The following RNF145 variants were observed in gnomAD, a reference collection of about 807,000 sequenced individuals.
RNF145 encodes the protein ring finger protein 145.
Under a neutral mutation model 57.3 loss-of-function variants are expected in RNF145, and 12 were observed. The observed-to-expected ratio is 0.21, with a 90% CI of 0.13 to 0.34. The LOEUF is 0.34. Among genes scored for constraint, RNF145 ranks in the 10% least tolerant of loss-of-function variants. The pLI, the probability that RNF145 is intolerant of heterozygous loss-of-function variation, is 1.00. For missense variants in RNF145, 429 were observed against 799.0 expected, an observed-to-expected ratio of 0.54 and a Z score of 5.58; for synonymous variants, 262 against 288.3, an observed-to-expected ratio of 0.91 and a Z score of 0.92.
At chr5:159,159,778 G>A (rs1004517113) in intron 10 of RNF145, among the ~76,000 whole-genome samples, 1 of 152,202 alleles carries the variant, frequency 6.6e-6, no homozygotes, top group Non-Finnish European at 1.5e-5. Context: ...CCTTGCATAA[G>A]ATATATATGA....
At chr5:159,172,087 G>A (rs1333040973) in intron 6 of RNF145, among the ~76,000 whole-genome samples, 1 of 152,152 alleles carries the variant, frequency 6.6e-6, no homozygotes, top group African/African-American at 2.4e-5. Context: ...TTTGCAGCGG[G>A]TAACAATCTG....
chr5:159,168,509 AATTAAAT>A (rs1162924555), intron 8 of RNF145, among the ~76,000 whole-genome samples: 2 of 152,124 alleles, frequency 1.3e-5, no homozygotes, highest in African/African-American at 4.8e-5. Context: ...CACAGAATAA[AATTAAAT>A]ATTATTTGTT....
intron 10 of RNF145, among the ~76,000 whole-genome samples, chr5:159,159,497 A>G (rs1267251158): frequency 6.6e-6 from 1 of 152,226 alleles, no homozygotes; most frequent in Non-Finnish European, 1.5e-5. Flanking sequence ...CGGCCATATA[A>G]TACCAGGGTA....
intron 10 of RNF145, 133 bp downstream of exon 10, chr5:159,161,133 T>A: frequency 1.7e-6 from 1 of 596,466 alleles, no homozygotes; most frequent in Non-Finnish European, 3.0e-6. Context: ...TTAATATAAT[T>A]TCTGAGGTCC....
intron 1 of RNF145, among the ~76,000 whole-genome samples, chr5:159,208,418 G>C (rs764297914): frequency 6.6e-6 from 1 of 152,150 alleles, no homozygotes; most frequent in Non-Finnish European, 1.5e-5. Flanking sequence ...TTCCAGAAAG[G>C]GGGTTCACGG....
At chr5:159,174,813 ACTC>A (rs1784664510) in intron 5 of RNF145, among the ~76,000 whole-genome samples, 2 of 152,162 alleles carry the variant, frequency 1.3e-5, no homozygotes, top group Admixed American at 1.3e-4. Flanking sequence ...ATAATCTGCA[ACTC>A]ACTAAATTAG....
At chr5:159,166,375 A>G (rs1399556408) in intron 8 of RNF145, among the ~76,000 whole-genome samples, 3 of 152,224 alleles carry the variant, frequency 2.0e-5, no homozygotes, top group East Asian at 3.8e-4. Context: ...TAATCATTAA[A>G]TGTATTAATC....
chr5:159,179,051 T>C (rs1189245170), intron 4 of RNF145, among the ~76,000 whole-genome samples: 1 of 152,130 alleles, frequency 6.6e-6, no homozygotes, highest in Non-Finnish European at 1.5e-5. Flanking sequence ...TGGCTTTCAC[T>C]GTGTTTATAG....
At chr5:159,204,205 G>A (rs1785776445) in intron 1 of RNF145, among the ~76,000 whole-genome samples, 1 of 152,168 alleles carries the variant, frequency 6.6e-6, no homozygotes, top group Non-Finnish European at 1.5e-5. Flanking sequence ...TACAGGTAGA[G>A]GGAACATTAT....
At chr5:159,207,351 TCCTA>T (rs773959291) in intron 1 of RNF145, 2 of 630,282 alleles carry the variant, frequency 3.2e-6, no homozygotes, top group Non-Finnish European at 5.4e-6. Context: ...AAAATACACC[TCCTA>T]AACTTTTTTT....
intron 8 of RNF145, among the ~76,000 whole-genome samples, chr5:159,165,883 C>G (rs1232253881): frequency 6.6e-6 from 1 of 152,180 alleles, no homozygotes; most frequent in Non-Finnish European, 1.5e-5. Flanking sequence ...GCATTGGCAT[C>G]TGGGTTGTTC....
At chr5:159,200,032 T>C (rs1785607994) in intron 2 of RNF145, among the ~76,000 whole-genome samples, 1 of 152,080 alleles carries the variant, frequency 6.6e-6, no homozygotes, top group Non-Finnish European at 1.5e-5. Flanking sequence ...ATAAAATACC[T>C]AGAAACAATA....
intron 3 of RNF145, among the ~76,000 whole-genome samples, chr5:159,188,730 A>G (rs895606014): frequency 3.9e-5 from 6 of 152,144 alleles, no homozygotes; most frequent in African/African-American, 1.4e-4. Context: ...AATCTCTGAC[A>G]TTTAATTCTT....
Position 159,157,605 on chromosome 5 carries a change from TC to T in RNF145, c.*1064del, listed in dbSNP as rs572886497. Reference sequence around the variant, plus strand: ...TCAAAATTCCCATAAAAAATTACATTCCCCCCTCCCCAGTTCTACCTGTAGC... The same window carrying T: ...TCAAAATTCCCATAAAAAATTACATTCCCCCTCCCCAGTTCTACCTGTAGC... On this transcript the variant is annotated 3_prime_UTR_variant, in exon 11 of 11. Coordinates refer to ENST00000424310, the MANE Select transcript of RNF145 (RefSeq NM_001199383.2). 4.6e-5 allele frequency: 7 copies of T among 151,880 alleles called. No individual in the cohort carries two copies. In the South Asian group the frequency reaches 1.5e-3, roughly 32 times the overall value. 9.4% of individuals were successfully genotyped at this position (151,880 alleles called of 1,614,324 possible).
chr5:159,191,079 C>CAAAAAAAA (rs545613338), intron 3 of RNF145, among the ~76,000 whole-genome samples: 1 of 61,326 alleles, frequency 1.6e-5, no homozygotes, highest in Non-Finnish European at 3.4e-5. Context: ...AGCTGATGAG[C>CAAAAAAAA]AAAAAAAAAA....
At chr5:159,178,160 C>T (rs1784776019) in intron 4 of RNF145, among the ~76,000 whole-genome samples, 2 of 151,786 alleles carry the variant, frequency 1.3e-5, no homozygotes, top group South Asian at 4.2e-4. Context: ...ATACAAATAG[C>T]TGTATTTTCT....
In RNF145 at chr5:159,158,796, T is replaced by C; in HGVS notation, c.1866A>G (p.Ile622Met). ...CATTATTGTCCCTGGAACCTTCCTG[T>C]ATCCTGGTCCCTGGAGTATGCTCCT... ...PGQEHTPGTR[I>M]QEGSRDNNEY... Residue 622 changes from isoleucine to methionine, a missense_variant, in exon 11 of 11, where the codon ATA becomes ATG. Physicochemically the swap from Ile to Met is conservative, Grantham distance 10. This residue lies in a region of RNF145 where 102 missense variants were observed against 106.2 expected (regional missense o/e 0.96). Coordinates refer to ENST00000424310, the MANE Select transcript of RNF145 (RefSeq NM_001199383.2). 1 of 1,613,992 alleles carries C rather than the reference T, an allele frequency of 6.2e-7. No individual in the cohort carries two copies. The highest frequency in any genetic ancestry group is 8.5e-7 in the Non-Finnish European group (1 of 1,179,868).
upstream of RNF145, chr5:159,209,641 C>G (rs1786044022): frequency 9.8e-7 from 1 of 1,023,620 alleles, no homozygotes; most frequent in African/African-American, 1.7e-5. Context: ...CGCGCTCACT[C>G]ACAATCGCGC....
intron 10 of RNF145, among the ~76,000 whole-genome samples, chr5:159,159,537 G>A (rs757908678): frequency 6.6e-6 from 1 of 152,148 alleles, no homozygotes; most frequent in Admixed American, 6.5e-5. Context: ...CTCTCATTAC[G>A]GACAATGTAT....
Sources: allele counts gnomAD v4.1 joint callset (sites outside exome capture counted in the v4.1 genomes callset), GRCh38; gene constraint gnomAD v4.1.1; regional missense constraint gnomAD v4.1.1; transcripts MANE v1.5; gene names NCBI Gene and HGNC (gene_info 2026-07-23, HGNC 2026-07-21).